The following TBC1D5 variants were observed in gnomAD, a reference collection of about 807,000 sequenced individuals.
TBC1D5 encodes TBC1 domain family, member 5.
Under a neutral mutation model 100.3 loss-of-function variants are expected in TBC1D5, and 75 were observed. The observed-to-expected ratio is 0.75, with a 90% CI of 0.62 to 0.91. The LOEUF (loss-of-function observed/expected upper bound fraction) is 0.91, where lower values mean the gene tolerates loss of function less well. TBC1D5 is among the 40% of genes least tolerant of loss of function. The probability of loss-of-function intolerance (pLI) is 0.00; values close to 1 mark genes in which losing one functional copy is unlikely to be tolerated. For missense variants in TBC1D5, 910 were observed against 942.4 expected (o/e 0.97, Z 0.45); for synonymous variants, 323 against 325.6 (o/e 0.99, Z 0.09).
At chr3:17,481,612 G>A (rs2150333234) in intron 3 of TBC1D5, among the ~76,000 whole-genome samples, 1 of 152,254 alleles carries the variant, frequency 6.6e-6, no homozygotes, top group South Asian at 2.1e-4. Flanking sequence ...AACAAGATAG[G>A]AAACACTTAT....
chr3:17,653,373 G>A (rs2065766056), intron 1 of TBC1D5, among the ~76,000 whole-genome samples: 2 of 152,060 alleles, frequency 1.3e-5, no homozygotes, highest in Admixed American at 1.3e-4. Context: ...ATTTACCACT[G>A]GTATGATACA....
chr3:17,721,459 ATGTGTGTGTGTGTGTG>A (rs59017875), intron 1 of TBC1D5, among the ~76,000 whole-genome samples: 72 of 149,048 alleles, frequency 4.8e-4, no homozygotes, highest in African/African-American at 1.7e-3. Context: ...GTGTGAGAGC[ATGTGTGTGTGTGTGTG>A]TGTGTGTGTG....
intron 1 of TBC1D5, among the ~76,000 whole-genome samples, chr3:17,715,283 C>G (rs2075127459): frequency 6.6e-6 from 1 of 152,180 alleles, no homozygotes; most frequent in Non-Finnish European, 1.5e-5. Context: ...TCTTCCAGTA[C>G]TCTAGAGAAT....
chr3:17,298,241 T>G (rs2150310103), intron 14 of TBC1D5, among the ~76,000 whole-genome samples: 1 of 152,350 alleles, frequency 6.6e-6, no homozygotes. Flanking sequence ...ATTTAAGAAG[T>G]GCTGACAATA....
At chr3:17,618,875 G>A (rs1156491699) in intron 2 of TBC1D5, among the ~76,000 whole-genome samples, 5 of 152,124 alleles carry the variant, frequency 3.3e-5, no homozygotes, top group African/African-American at 7.2e-5. Context: ...GTGATGCCCC[G>A]CCTTGCTTCA....
chr3:17,615,365 G>A (rs1170344133), intron 2 of TBC1D5, among the ~76,000 whole-genome samples: 2 of 152,126 alleles, frequency 1.3e-5, no homozygotes, highest in African/African-American at 2.4e-5. Context: ...CTATGTCTCT[G>A]CCAGGTGTTG....
intron 14 of TBC1D5, among the ~76,000 whole-genome samples, chr3:17,297,584 A>T (rs2082385597): frequency 6.6e-6 from 1 of 151,856 alleles, no homozygotes; most frequent in Admixed American, 6.6e-5. Flanking sequence ...AAAAAAAAAA[A>T]AAAATTTCTT....
intron 1 of TBC1D5, among the ~76,000 whole-genome samples, chr3:17,675,631 C>T (rs1269244759): frequency 1.3e-5 from 2 of 152,048 alleles, no homozygotes; most frequent in African/African-American, 4.8e-5. Context: ...ATATTTCCTA[C>T]CTTTAAAGTT....
In TBC1D5 at chr3:17,669,225, T is replaced by C. The variant is rs1227616393; in HGVS notation, c.-100-45312A>G. Among the ~76,000 whole-genome samples, 3 of 152,292 alleles carry C rather than the reference T, an allele frequency of 2.0e-5. No homozygotes were observed. The East Asian group carries it at 5.8e-4, about 29-fold the overall frequency. On this transcript the variant is annotated intron_variant, in intron 1 of 21. Transcript: ENST00000253692. ...GCCACCATGTGAAGAAGGACGAGTTTGCTTCCCCTTCCACCATGATTGTAA... is the reference window on the plus strand; with the variant it reads ...GCCACCATGTGAAGAAGGACGAGTTCGCTTCCCCTTCCACCATGATTGTAA...
At chr3:17,225,058 C>A (rs2074700693) in intron 17 of TBC1D5, among the ~76,000 whole-genome samples, 1 of 152,158 alleles carries the variant, frequency 6.6e-6, no homozygotes, top group Non-Finnish European at 1.5e-5. Context: ...AGAACATGTT[C>A]CCAAAGGGAT....
At chr3:17,627,083 G>C (rs2063121846) in intron 1 of TBC1D5, among the ~76,000 whole-genome samples, 1 of 152,176 alleles carries the variant, frequency 6.6e-6, no homozygotes, top group African/African-American at 2.4e-5. Flanking sequence ...GGCTGCAGAG[G>C]AGTCATCTAG....
intron 18 of TBC1D5, among the ~76,000 whole-genome samples, 154 bp downstream of exon 19, chr3:17,214,053 G>A: frequency 6.6e-6 from 1 of 150,516 alleles, no homozygotes; most frequent in East Asian, 1.9e-4. Flanking sequence ...TATTACTAAA[G>A]TAAAATAATA....
chr3:17,661,522 G>A (rs1016869017), intron 1 of TBC1D5, among the ~76,000 whole-genome samples: 34 of 88,764 alleles, frequency 3.8e-4, no homozygotes, highest in Non-Finnish European at 6.8e-4. Flanking sequence ...TTTTTTTTTT[G>A]ATGGAGTCTT....
At chr3:17,519,742 G>A (rs1311796173) in intron 2 of TBC1D5, among the ~76,000 whole-genome samples, 1 of 152,164 alleles carries the variant, frequency 6.6e-6, no homozygotes, top group Non-Finnish European at 1.5e-5. Context: ...CTACACAGAA[G>A]CACACAAATT....
chr3:17,486,399 T>A (rs1041428302), intron 3 of TBC1D5, among the ~76,000 whole-genome samples: 3 of 152,114 alleles, frequency 2.0e-5, no homozygotes, highest in Non-Finnish European at 4.4e-5. Context: ...TGTTTTAGAC[T>A]TGAAGTCCTT....
intron 15 of TBC1D5, among the ~76,000 whole-genome samples, chr3:17,283,022 C>G (rs2080778388): frequency 6.6e-6 from 1 of 152,228 alleles, no homozygotes; most frequent in Admixed American, 6.5e-5. Flanking sequence ...TGGTTGCTTA[C>G]TTCAGAAACT....
intron 2 of TBC1D5, among the ~76,000 whole-genome samples, chr3:17,575,659 C>T (rs981047828): frequency 5.3e-5 from 8 of 152,012 alleles, no homozygotes; most frequent in Admixed American, 1.3e-4. Flanking sequence ...GGGGAGGATT[C>T]GTTCTTTATG....
intron 2 of TBC1D5, among the ~76,000 whole-genome samples, chr3:17,544,110 C>T (rs541269903): frequency 1.7e-4 from 26 of 152,140 alleles, no homozygotes; most frequent in African/African-American, 2.4e-4. Context: ...CCTCCTGATC[C>T]GCCTACCTCA....
At chr3:17,616,585 A>G (rs2062177125) in intron 2 of TBC1D5, among the ~76,000 whole-genome samples, 1 of 152,150 alleles carries the variant, frequency 6.6e-6, no homozygotes. Context: ...TATTGGGTGC[A>G]TATATATTTA....
Sources: gnomAD v4.1 joint callset for allele counts (sites outside exome capture counted in the v4.1 genomes callset) on GRCh38, gnomAD v4.1.1 for gene constraint, MANE v1.5 for transcripts, NCBI Gene and HGNC (gene_info 2026-07-23, HGNC 2026-07-21) for gene names.